AFG2A: variants seen among roughly 807,000 people sequenced by gnomAD.
AFG2A encodes AAA ATPase AFG2A, also known as ATPase family gene 2 protein homolog A.
At chr4:122,991,068 A>C in the AFG2A span, among the ~76,000 whole-genome samples, 1 of 152,248 alleles carries the variant, frequency 6.6e-6, no homozygotes, top group Non-Finnish European at 1.5e-5. Flanking sequence ...ATGGAAACTT[A>C]GTTGCCATGG....
chr4:122,939,382 G>A, the AFG2A span, among the ~76,000 whole-genome samples: 7 of 151,970 alleles, frequency 4.6e-5, no homozygotes, highest in East Asian at 7.7e-4. Context: ...GCGCCCAGCC[G>A]GGATATGTTC....
the AFG2A span, among the ~76,000 whole-genome samples, chr4:123,232,690 C>G: frequency 3.3e-5 from 5 of 151,804 alleles, no homozygotes; most frequent in African/African-American, 9.7e-5. Context: ...TTTTAGTAGG[C>G]AGGAGATATC....
At chr4:123,107,789 G>T in the AFG2A span, among the ~76,000 whole-genome samples, 1 of 152,234 alleles carries the variant, frequency 6.6e-6, no homozygotes, top group African/African-American at 2.4e-5. Flanking sequence ...GTCCAGAGGG[G>T]TTCAAGGTGG....
At chr4:123,289,844 T>C in the AFG2A span, among the ~76,000 whole-genome samples, 3 of 152,184 alleles carry the variant, frequency 2.0e-5, no homozygotes, top group Non-Finnish European at 4.4e-5. Context: ...GTGAAAAATG[T>C]CCATCTGTGT....
chr4:123,298,134 T>C, the AFG2A span, among the ~76,000 whole-genome samples: 1 of 136,396 alleles, frequency 7.3e-6, no homozygotes, highest in Non-Finnish European at 1.6e-5. Flanking sequence ...CACACACACT[T>C]GATTTGGTGC....
chr4:123,307,696 T>C, the AFG2A span, among the ~76,000 whole-genome samples: 1 of 152,238 alleles, frequency 6.6e-6, no homozygotes, highest in South Asian at 2.1e-4. Flanking sequence ...TATACAGTCA[T>C]GCACCACATA....
the AFG2A span, among the ~76,000 whole-genome samples, chr4:123,101,041 G>A: frequency 2.6e-5 from 4 of 151,798 alleles, no homozygotes; most frequent in African/African-American, 4.8e-5. Context: ...GTCAACTGTG[G>A]GATCTTGTTT....
the AFG2A span, among the ~76,000 whole-genome samples, chr4:123,302,067 A>C: frequency 2.0e-5 from 3 of 152,212 alleles, no homozygotes; most frequent in Admixed American, 6.5e-5. Flanking sequence ...GAAGTCTGAC[A>C]GATGAGGAAA....
chr4:123,177,192 ATTT>A, the AFG2A span, among the ~76,000 whole-genome samples: 2 of 130,234 alleles, frequency 1.5e-5, no homozygotes, highest in Non-Finnish European at 1.6e-5. Flanking sequence ...GCTTGATTTG[ATTT>A]TTTTTTTTTT....
At chr4:123,260,294 T>C in the AFG2A span, among the ~76,000 whole-genome samples, 1 of 152,262 alleles carries the variant, frequency 6.6e-6, no homozygotes, top group African/African-American at 2.4e-5. Flanking sequence ...TTTAACTTCA[T>C]GTAAACTTAG....
chr4:123,160,180 T>C, the AFG2A span, among the ~76,000 whole-genome samples: 4 of 152,136 alleles, frequency 2.6e-5, no homozygotes, highest in African/African-American at 9.7e-5. Context: ...GTTATTTATA[T>C]GAGATTTTTA....
the AFG2A span, among the ~76,000 whole-genome samples, chr4:123,303,139 A>G: frequency 1.4e-4 from 21 of 152,208 alleles, no homozygotes; most frequent in African/African-American, 4.1e-4. Context: ...TCATATTATT[A>G]TTCAATTAAA....
At chr4:123,264,355 A>G in the AFG2A span, among the ~76,000 whole-genome samples, 10 of 152,182 alleles carry the variant, frequency 6.6e-5, no homozygotes, top group Non-Finnish European at 1.5e-5. Flanking sequence ...CCAAAAACCT[A>G]TTGAAATAAA....
chr4:123,111,045 A>T, the AFG2A span, among the ~76,000 whole-genome samples: 2 of 152,228 alleles, frequency 1.3e-5, no homozygotes, highest in Non-Finnish European at 2.9e-5. Flanking sequence ...TATGCTTCTG[A>T]ATAACCTGAG....
chr4:122,934,354 C>A, the AFG2A span: 19 of 1,614,048 alleles, frequency 1.2e-5, no homozygotes, highest in Admixed American at 6.7e-5. Context: ...TCCTTATAAA[C>A]CAATTGATGA....
chr4:123,036,706 G>A, the AFG2A span, among the ~76,000 whole-genome samples: 2 of 152,154 alleles, frequency 1.3e-5, no homozygotes, highest in South Asian at 4.2e-4. Flanking sequence ...AAGTTCTGAA[G>A]AAATGTGTCA....
chr4:123,228,359 G>A, the AFG2A span, among the ~76,000 whole-genome samples: 2,152 of 151,898 alleles, frequency 0.014, 51 homozygotes, highest in African/African-American at 0.048. Flanking sequence ...GGCTGGTACC[G>A]GTTGTTCCTT....
At chr4:122,951,845 G>A in the AFG2A span, among the ~76,000 whole-genome samples, 1 of 152,170 alleles carries the variant, frequency 6.6e-6, no homozygotes, top group African/African-American at 2.4e-5. Context: ...ATTGGGCCCT[G>A]TCTATCCTGT....
chr4:123,294,739 AT>A, the AFG2A span, among the ~76,000 whole-genome samples: 4 of 152,212 alleles, frequency 2.6e-5, no homozygotes, highest in Non-Finnish European at 5.9e-5. Flanking sequence ...AAAGATGAAT[AT>A]TTCACAGTTA....
Sources: allele counts gnomAD v4.1 joint callset (sites outside exome capture counted in the v4.1 genomes callset), GRCh38; gene constraint gnomAD v4.1.1; transcripts MANE v1.5; gene names NCBI Gene and HGNC (gene_info 2026-07-23, HGNC 2026-07-21).